The following OLAH variants were observed in gnomAD, a reference collection of about 807,000 sequenced individuals.
OLAH encodes oleoyl-ACP hydrolase.
A neutral mutation model predicts 27.8 loss-of-function variants in OLAH; 33 were observed. The observed-to-expected ratio is 1.19, with a 90% CI of 0.90 to 1.59. The LOEUF (loss-of-function observed/expected upper bound fraction) is 1.59, where lower values mean the gene tolerates loss of function less well. OLAH is among the 40% of genes most tolerant of loss of function. OLAH has a pLI of 0.00. For missense variants in OLAH, 359 were observed against 310.8 expected (o/e 1.16, Z -1.17); for synonymous variants, 120 against 102.9 (o/e 1.17, Z -1.01).
chr10:15,036,938 G>T (rs1051746125), intron 1 of OLAH, among the ~76,000 whole-genome samples: 24 of 152,042 alleles, frequency 1.6e-4, no homozygotes, highest in South Asian at 6.2e-4. Context: ...AATTAGCCAA[G>T]CATGGTGGTG....
intron 2 of OLAH, among the ~76,000 whole-genome samples, chr10:15,048,275 TG>T (rs1471301864): frequency 6.6e-6 from 1 of 152,142 alleles, no homozygotes; most frequent in Non-Finnish European, 1.5e-5. Context: ...TGGAGAGCGG[TG>T]GTGCGATCTC....
chr10:15,059,222 C>T (rs982563531), intron 3 of OLAH, among the ~76,000 whole-genome samples: 7 of 139,954 alleles, frequency 5.0e-5, no homozygotes, highest in African/African-American at 1.9e-4. Flanking sequence ...CCATCTCATC[C>T]TGTCTCCCAG....
intron 3 of OLAH, 23 bp from the exon 4 acceptor site, chr10:15,061,701 C>A: frequency 6.3e-7 from 1 of 1,578,958 alleles, no homozygotes; most frequent in South Asian, 1.2e-5. Flanking sequence ...TGTGCGTGTT[C>A]ACTTGTGTTT....
chr10:15,063,558 T>C, intron 4 of OLAH, among the ~76,000 whole-genome samples: 1 of 152,246 alleles, frequency 6.6e-6, no homozygotes, highest in East Asian at 1.9e-4. Flanking sequence ...AAGCAACCTC[T>C]GGCAGTTTTG....
At chr10:15,058,650 A>G (rs1020932940) in intron 3 of OLAH, among the ~76,000 whole-genome samples, 1 of 152,174 alleles carries the variant, frequency 6.6e-6, no homozygotes, top group South Asian at 2.1e-4. Flanking sequence ...ATAAAAAATA[A>G]TCTTTTATAT....
chr10:15,052,156 G>A (rs1217494530), intron 3 of OLAH, among the ~76,000 whole-genome samples: 3 of 152,160 alleles, frequency 2.0e-5, no homozygotes, highest in East Asian at 3.9e-4. Context: ...AGTAGTGCAC[G>A]CCTATAATCC....
intron 3 of OLAH, among the ~76,000 whole-genome samples, chr10:15,050,080 T>A (rs1365694738): frequency 6.6e-6 from 1 of 152,196 alleles, no homozygotes; most frequent in East Asian, 1.9e-4. Context: ...ATGTGTTCTA[T>A]TTTCCCTTTT....
chr10:15,051,249 T>C (rs1218459704), intron 3 of OLAH, among the ~76,000 whole-genome samples: 2 of 152,066 alleles, frequency 1.3e-5, no homozygotes, highest in Admixed American at 1.3e-4. Context: ...CTAATTTTCG[T>C]ATTTTTAGTA....
At chr10:15,052,106 A>G (rs536390169) in intron 3 of OLAH, among the ~76,000 whole-genome samples, 2 of 152,228 alleles carry the variant, frequency 1.3e-5, no homozygotes, top group South Asian at 4.1e-4. Flanking sequence ...AACATGGTGA[A>G]CCCTGTCTCT....
upstream of OLAH, among the ~76,000 whole-genome samples, chr10:15,038,961 G>T (rs957486453): frequency 1.3e-5 from 2 of 152,148 alleles, no homozygotes; most frequent in East Asian, 3.8e-4. Context: ...AGTGGTTCAC[G>T]CTTGTAATAC....
At position 15,067,159 on chromosome 10, in the gene OLAH, T is replaced by C. The variant is rs375113635; in HGVS notation, c.572+1406T>C. Among the ~76,000 whole-genome samples, 87 of 152,332 alleles carry C rather than the reference T, an allele frequency of 5.7e-4. 2 individuals carry two copies. The South Asian group carries it at 0.018, about 31-fold the overall frequency. On this transcript the variant is annotated intron_variant, in intron 6 of 7. Coordinates refer to ENST00000378228, the MANE Select transcript of OLAH (RefSeq NM_001039702.3). ...AATTTATACAATTGTTATTTGCGAATTTAAAACAAAATTGAAAAAACTGAG... is the reference window on the plus strand; with the variant it reads ...AATTTATACAATTGTTATTTGCGAACTTAAAACAAAATTGAAAAAACTGAG...
chr10:15,038,507 G>A (rs1843875418), intron 1 of OLAH: 1 of 152,160 alleles, frequency 6.6e-6, no homozygotes, highest in Admixed American at 6.5e-5. Context: ...TCAGGGGGAT[G>A]GGTCTTTCCT....
chr10:15,049,084 C>A (rs961736849), intron 2 of OLAH, among the ~76,000 whole-genome samples: 1 of 125,528 alleles, frequency 8.0e-6, no homozygotes, highest in Non-Finnish European at 1.6e-5. Flanking sequence ...GCCTGGGCAA[C>A]AAAGTGAGAC....
intron 6 of OLAH, among the ~76,000 whole-genome samples, chr10:15,067,202 A>G (rs1844485645): frequency 6.6e-6 from 1 of 152,244 alleles, no homozygotes; most frequent in South Asian, 2.1e-4. Context: ...CCAAATCACC[A>G]TGGACATTCA....
chr10:15,072,940 T>C lies in OLAH; in HGVS notation c.656-147T>C, dbSNP rs552589682. On this transcript the variant is annotated intron_variant, in intron 7 of 7. Transcript: ENST00000378228. ...TTTAGAATGAGGGGCTTGTCCAAGATGGCAATGCTCCTGCTTCATCACCTA... is the reference window on the plus strand; with the variant it reads ...TTTAGAATGAGGGGCTTGTCCAAGACGGCAATGCTCCTGCTTCATCACCTA... 2.5e-5 allele frequency: 18 copies of C among 721,810 alleles called. No homozygotes were observed. The South Asian group carries it at 2.6e-4, about 10-fold the overall frequency. The allele number at this position is 721,810 out of a possible 1,614,324, so 44.7% of individuals were successfully genotyped here.
chr10:15,046,251 C>T (rs1262197299), intron 1 of OLAH, among the ~76,000 whole-genome samples: 1 of 150,402 alleles, frequency 6.6e-6, no homozygotes, highest in East Asian at 2.0e-4. Context: ...GAGGCTGAGG[C>T]AGGACAATCA....
chr10:15,034,277 C>T (rs1843807141), intron 1 of OLAH, among the ~76,000 whole-genome samples: 1 of 151,880 alleles, frequency 6.6e-6, no homozygotes, highest in Non-Finnish European at 1.5e-5. Context: ...GGATTACAGG[C>T]TCCCACCACC....
intron 3 of OLAH, among the ~76,000 whole-genome samples, chr10:15,052,672 T>C (rs1844167642): frequency 6.6e-6 from 1 of 152,126 alleles, no homozygotes; most frequent in South Asian, 2.1e-4. Flanking sequence ...AAGAGTCTGA[T>C]ATCATCCTGA....
In OLAH at chr10:15,052,331, A is replaced by G. The variant is rs574150640; in HGVS notation, c.163+2566A>G. ...GGCTGCTGGCTTTGACCCATGGGTT[A>G]TAGTTGTTTGCTGTTTTAGTAGATT... On this transcript the variant is annotated intron_variant, in intron 3 of 7. Transcript: ENST00000378228. 1.1e-4 allele frequency among the ~76,000 whole-genome samples: 16 copies of G among 152,266 alleles called. No homozygotes were observed. The East Asian group carries it at 3.1e-3, about 29-fold the overall frequency.
Sources: gnomAD v4.1 joint callset for allele counts (sites outside exome capture counted in the v4.1 genomes callset) on GRCh38, gnomAD v4.1.1 for gene constraint, MANE v1.5 for transcripts, NCBI Gene and HGNC (gene_info 2026-07-23, HGNC 2026-07-21) for gene names.